The following LRRFIP1 variants were observed in gnomAD, a reference collection of about 807,000 sequenced individuals.
LRRFIP1 encodes the protein leucine-rich repeat flightless-interacting protein 1.
In LRRFIP1, 62 loss-of-function variants were observed where a neutral mutation model predicts 104.4. That is an observed-to-expected ratio of 0.59 (90% confidence interval 0.48 to 0.73). The LOEUF is 0.73. Ranked by LOEUF, LRRFIP1 falls within the 30% of genes least tolerant of loss-of-function variation. The pLI, the probability that LRRFIP1 is intolerant of heterozygous loss-of-function variation, is 0.00. For synonymous variants in LRRFIP1, 300 were observed against 299.0 expected, an observed-to-expected ratio of 1.00 and a Z score of -0.03; for missense variants, 796 against 824.5, an observed-to-expected ratio of 0.97 and a Z score of 0.42.
intron 18 of LRRFIP1, among the ~76,000 whole-genome samples, chr2:237,759,038 A>G (rs888709983): frequency 6.6e-6 from 1 of 152,234 alleles, no homozygotes; most frequent in Non-Finnish European, 1.5e-5. Flanking sequence ...GTTAATAAAC[A>G]TAGCCAATCT....
At chr2:237,669,080 T>C (rs1299269467) in intron 1 of LRRFIP1, among the ~76,000 whole-genome samples, 1 of 152,210 alleles carries the variant, frequency 6.6e-6, no homozygotes, top group Non-Finnish European at 1.5e-5. Context: ...CCACAAAATA[T>C]GGCTTTGAGG....
At chr2:237,636,352 C>CTTTTTTTTT (rs59582281) in intron 1 of LRRFIP1, among the ~76,000 whole-genome samples, 94 of 124,256 alleles carry the variant, frequency 7.6e-4, no homozygotes, top group Middle Eastern at 4.1e-3. Flanking sequence ...CCTTTCTTTT[C>CTTTTTTTTT]TTTTTTTTTT....
chr2:237,701,155 C>T (rs561172627), intron 1 of LRRFIP1, among the ~76,000 whole-genome samples: 1 of 152,314 alleles, frequency 6.6e-6, no homozygotes, highest in Admixed American at 6.5e-5. Context: ...AGCTGCCCAG[C>T]GAGCCTCCCG....
At chr2:237,742,731 G>A (rs1034558137) in intron 11 of LRRFIP1, among the ~76,000 whole-genome samples, 1 of 152,232 alleles carries the variant, frequency 6.6e-6, no homozygotes, top group Admixed American at 6.5e-5. Flanking sequence ...ATGGGAAGAA[G>A]CCAGGAGAGC....
At chr2:237,727,845 G>A in intron 7 of LRRFIP1, 31 bp from the exon 8 acceptor site, 1 of 1,539,302 alleles carries the variant, frequency 6.5e-7, no homozygotes, top group Non-Finnish European at 8.9e-7. Context: ...GTGTACTGAT[G>A]TCAGTTTTTC....
Position 237,757,507 on chromosome 2 carries a change from G to T in LRRFIP1, c.1183G>T (p.Asp395Tyr). ...GGCGAGTTCTATCAGGGAGATTTCTGATCTTCAGGAAACAATAGAGTGGAA... is the reference window on the plus strand; with the variant it reads ...GGCGAGTTCTATCAGGGAGATTTCTTATCTTCAGGAAACAATAGAGTGGAA... ...KQASSIREISDLQETIEWKDK... is the reference protein window; with the variant it reads ...KQASSIREISYLQETIEWKDK... Residue 395 changes from aspartate to tyrosine, a missense_variant, in exon 17 of 24, where the codon GAT becomes TAT. Physicochemically the swap from Asp to Tyr is radical, Grantham distance 160. Coordinates refer to ENST00000308482, the MANE Select transcript of LRRFIP1 (RefSeq NM_001137550.2). The T allele has an allele frequency of 6.3e-7, 1 of 1,594,610 alleles. No homozygotes were observed. Among genetic ancestry groups the T allele is most frequent in the Non-Finnish European group, 8.5e-7 (1 of 1,170,344 alleles).
At chr2:237,705,992 G>A (rs141507861) in intron 1 of LRRFIP1, among the ~76,000 whole-genome samples, 7 of 152,334 alleles carry the variant, frequency 4.6e-5, no homozygotes, top group African/African-American at 1.7e-4. Context: ...AGGATAATCT[G>A]TCTTTTGAGC....
At chr2:237,676,146 G>A (rs1046062384) in intron 1 of LRRFIP1, among the ~76,000 whole-genome samples, 1 of 152,170 alleles carries the variant, frequency 6.6e-6, no homozygotes, top group Non-Finnish European at 1.5e-5. Flanking sequence ...CAGAGCTGAA[G>A]GTGGAGTGGG....
At chr2:237,730,631 G>A (rs907148905) in intron 8 of LRRFIP1, among the ~76,000 whole-genome samples, 14 of 152,108 alleles carry the variant, frequency 9.2e-5, no homozygotes, top group Non-Finnish European at 8.8e-5. Flanking sequence ...TTAATAAATA[G>A]GAAGGGCCAG....
intron 11 of LRRFIP1, among the ~76,000 whole-genome samples, chr2:237,745,647 T>A (rs2057746088): frequency 6.6e-6 from 1 of 152,216 alleles, no homozygotes; most frequent in Non-Finnish European, 1.5e-5. Context: ...CTCAGCTTTC[T>A]TGCAAGAAAT....
chr2:237,762,573 G>T, intron 19 of LRRFIP1: 1 of 1,541,056 alleles, frequency 6.5e-7, no homozygotes, highest in Non-Finnish European at 8.8e-7. Context: ...ACATCATGGG[G>T]TCCCTTCAAT....
Position 237,713,650 on chromosome 2 carries a change from A to T in LRRFIP1, c.184-609A>T, listed in dbSNP as rs532503696. Reference sequence around the variant, plus strand: ...TAATGAATGAATGAATGAATGAATGAAAATGAGTAGCTATCTCAGTTTTAT... The same window carrying T: ...TAATGAATGAATGAATGAATGAATGTAAATGAGTAGCTATCTCAGTTTTAT... On this transcript the variant is annotated intron_variant, in intron 2 of 23. Coordinates refer to ENST00000308482, the MANE Select transcript of LRRFIP1 (RefSeq NM_001137550.2). 2.0e-5 allele frequency among the ~76,000 whole-genome samples: 3 copies of T among 152,274 alleles called. No individual in the cohort carries two copies. In the East Asian group the frequency reaches 5.8e-4, roughly 29 times the overall value.
At chr2:237,758,846 T>C in intron 18 of LRRFIP1, 25 bp downstream of exon 18, 1 of 1,536,002 alleles carries the variant, frequency 6.5e-7, no homozygotes. Flanking sequence ...TACAGTTTTA[T>C]TTAAAAAAAA....
In LRRFIP1 at chr2:237,691,319, TG is replaced by T. The variant is rs2092737974; in HGVS notation, c.97-17223del. ...GGGAGTTACGAGGGCGCCCTGTGCC[TG>T]GAGGTGGCGCGGGCTGGAGCCCTCC... On this transcript the variant is annotated intron_variant, in intron 1 of 23. Transcript: ENST00000308482. This position sits in a 1 kb window ranked among gnomAD's most constrained non-coding sequence, Gnocchi z 5.4. 6.6e-6 allele frequency among the ~76,000 whole-genome samples: 1 copy of T among 152,198 alleles called. No homozygotes were observed.
At chr2:237,769,752 G>A (rs1576411694) in intron 19 of LRRFIP1, 191 bp from the exon 20 acceptor site, 1 of 576,746 alleles carries the variant, frequency 1.7e-6, no homozygotes, top group Non-Finnish European at 3.2e-6. Context: ...TGTTCTGGGA[G>A]GTTGACCCAA....
Position 237,739,251 on chromosome 2 carries a change from A to AG in LRRFIP1, c.575_576insG (p.His192GlnfsTer31), listed in dbSNP as rs1253832607. On this transcript the variant is annotated frameshift_variant, in exon 11 of 24. Transcript: ENST00000308482. LOFTEE classifies it high-confidence loss of function. ...GGGCAGCCCTCGGAGTACAGCGGCC[A>AG]CCTCAACTCCAGCTCCCGCGCCTCC... 1 of 1,564,410 alleles carries AG rather than the reference A, an allele frequency of 6.4e-7. No individual in the cohort carries two copies. The highest frequency in any genetic ancestry group is 8.7e-7 in the Non-Finnish European group (1 of 1,154,918).
At chr2:237,669,450 A>G (rs2089999711) in intron 1 of LRRFIP1, among the ~76,000 whole-genome samples, 1 of 152,214 alleles carries the variant, frequency 6.6e-6, no homozygotes, top group South Asian at 2.1e-4. Flanking sequence ...TCAAATCGTC[A>G]AAACGTGTCT....
At chr2:237,707,235 T>C (rs2093855097) in intron 1 of LRRFIP1, among the ~76,000 whole-genome samples, 1 of 151,252 alleles carries the variant, frequency 6.6e-6, no homozygotes, top group African/African-American at 2.4e-5. Context: ...ACCACCCCCA[T>C]GCCAGGAGCT....
intron 21 of LRRFIP1, chr2:237,772,622 C>G: frequency 1.8e-6 from 1 of 569,560 alleles, no homozygotes; most frequent in Non-Finnish European, 3.1e-6. Context: ...GTCTTCTTCA[C>G]TCATAGGCAC....
Sources: allele counts gnomAD v4.1 joint callset (sites outside exome capture counted in the v4.1 genomes callset), GRCh38; gene constraint gnomAD v4.1.1; non-coding constraint Gnocchi (gnomAD v3.1); transcripts MANE v1.5; gene names NCBI Gene and HGNC (gene_info 2026-07-23, HGNC 2026-07-21).